The following WDR72 variants were observed in gnomAD, a reference collection of about 807,000 sequenced individuals.
WDR72 encodes WD repeat domain 72, also known as WD repeat-containing protein 72.
In WDR72, 120 loss-of-function variants were observed where a neutral mutation model predicts 124.2. The observed-to-expected ratio is 0.97, with a 90% CI of 0.83 to 1.12. The LOEUF is 1.12. Ranked by LOEUF, WDR72 falls within the 50% of genes most tolerant of loss-of-function variation. WDR72 has a pLI of 0.00. For missense variants in WDR72, 1,387 were observed against 1,278.8 expected (o/e 1.08, Z -1.29); for synonymous variants, 452 against 441.7 (o/e 1.02, Z -0.29).
chr15:53,558,840 C>T (rs148165934), intron 18 of WDR72, among the ~76,000 whole-genome samples: 72 of 151,982 alleles, frequency 4.7e-4, no homozygotes, highest in African/African-American at 1.5e-3. Flanking sequence ...ATTTGTTTGA[C>T]GGGATTTTTA....
At chr15:53,573,596 A>G (rs1186676504) in intron 18 of WDR72, among the ~76,000 whole-genome samples, 1 of 150,598 alleles carries the variant, frequency 6.6e-6, no homozygotes. Flanking sequence ...CCCAGGCTGG[A>G]GTGCAGTGGC....
intron 8 of WDR72, 59 bp from the exon 9 acceptor site, chr15:53,711,012 T>A: frequency 7.0e-7 from 1 of 1,436,770 alleles, no homozygotes; most frequent in Non-Finnish European, 9.7e-7. Context: ...TTCGTTTTTT[T>A]TCCCCCTCCC....
chr15:53,762,268 C>T (rs903572124), upstream of WDR72, among the ~76,000 whole-genome samples: 3 of 152,180 alleles, frequency 2.0e-5, no homozygotes, highest in African/African-American at 7.2e-5. Context: ...TAGAGCACTC[C>T]TCTCGCCTTC....
chr15:53,553,051 A>T (rs1186766663), intron 18 of WDR72, among the ~76,000 whole-genome samples: 2 of 152,180 alleles, frequency 1.3e-5, no homozygotes, highest in Non-Finnish European at 2.9e-5. Flanking sequence ...AAAGATAAAA[A>T]TTAAAAATAA....
At chr15:53,610,387 A>G (rs1463112261) in intron 16 of WDR72, among the ~76,000 whole-genome samples, 1 of 152,040 alleles carries the variant, frequency 6.6e-6, no homozygotes, top group Non-Finnish European at 1.5e-5. Flanking sequence ...TCTATTATCT[A>G]GGTGCCAGAT....
chr15:53,746,723 C>T (rs1430301097), intron 1 of WDR72, among the ~76,000 whole-genome samples: 2 of 151,982 alleles, frequency 1.3e-5, no homozygotes, highest in East Asian at 3.9e-4. Context: ...CATCTTTATC[C>T]CAGGAGGGAG....
chr15:53,679,810 G>T (rs1467462793), intron 13 of WDR72, among the ~76,000 whole-genome samples: 1 of 152,100 alleles, frequency 6.6e-6, no homozygotes, highest in Non-Finnish European at 1.5e-5. Flanking sequence ...CAAAACATTT[G>T]AGACCATAGG....
chr15:53,532,333 T>C (rs541809988), intron 18 of WDR72, among the ~76,000 whole-genome samples: 1 of 152,238 alleles, frequency 6.6e-6, no homozygotes, highest in South Asian at 2.1e-4. Context: ...CAAAGGGATA[T>C]CTGTATTCCC....
chr15:53,681,733 T>C (rs2016392602), intron 13 of WDR72, among the ~76,000 whole-genome samples: 1 of 152,168 alleles, frequency 6.6e-6, no homozygotes, highest in Non-Finnish European at 1.5e-5. Context: ...GCATACAAAA[T>C]GTTCTGAAGA....
chr15:53,654,519 C>T (rs1000566644), intron 14 of WDR72, among the ~76,000 whole-genome samples: 8 of 152,142 alleles, frequency 5.3e-5, no homozygotes, highest in African/African-American at 1.7e-4. Context: ...GGACGTAGAA[C>T]ATTAGATGAA....
At chr15:53,755,147 A>T (rs1317381215) in intron 1 of WDR72, among the ~76,000 whole-genome samples, 2 of 152,242 alleles carry the variant, frequency 1.3e-5, no homozygotes, top group Non-Finnish European at 2.9e-5. Context: ...GCTATTCAAG[A>T]GAGTTGCTCT....
Position 53,615,755 on chromosome 15 carries a change from C to T in WDR72, c.2451G>A (p.Lys817=), listed in dbSNP as rs191971924. 1 of 1,613,354 alleles carries T rather than the reference C, an allele frequency of 6.2e-7. No homozygotes were observed. The highest frequency in any genetic ancestry group is 8.5e-7 in the Non-Finnish European group (1 of 1,179,648). ...CCTGAAGCTTTAAAATATTGAGGTG[C>T]TTAATGCAAAGATAATCTAAATCTT... is the stretch of plus-strand genomic sequence containing the variant. ...VDKDLDYLCI[K]HLNILKLQGP... Residue 817 remains lysine (K), a synonymous_variant, in exon 15 of 20, where the codon AAG becomes AAA. Coordinates refer to ENST00000360509, the MANE Select transcript of WDR72 (RefSeq NM_182758.4).
At chr15:53,735,705 A>G (rs1340692110) in intron 1 of WDR72, among the ~76,000 whole-genome samples, 3 of 152,218 alleles carry the variant, frequency 2.0e-5, no homozygotes, top group African/African-American at 7.2e-5. Flanking sequence ...TAATCTTACA[A>G]TAAAAAATTA....
At chr15:53,555,445 A>T (rs1253128841) in intron 18 of WDR72, among the ~76,000 whole-genome samples, 2 of 152,002 alleles carry the variant, frequency 1.3e-5, no homozygotes, top group African/African-American at 4.8e-5. Context: ...AAAGAGAGAG[A>T]GAACATGTGC....
chr15:53,703,484 C>A (rs1216379771), intron 11 of WDR72, among the ~76,000 whole-genome samples: 3 of 151,418 alleles, frequency 2.0e-5, no homozygotes, highest in African/African-American at 7.3e-5. Context: ...ATCTAGTTGC[C>A]TTTTCCCTCT....
chr15:53,653,347 G>A (rs960861978), intron 14 of WDR72, among the ~76,000 whole-genome samples: 1 of 152,074 alleles, frequency 6.6e-6, no homozygotes, highest in African/African-American at 2.4e-5. Context: ...TGGAGTAGAG[G>A]GTAGAGAAGA....
chr15:53,546,259 C>T (rs1383455007), intron 18 of WDR72, among the ~76,000 whole-genome samples: 2 of 151,960 alleles, frequency 1.3e-5, no homozygotes, highest in African/African-American at 4.8e-5. Context: ...GACTTGGAAC[C>T]AACCCAGATG....
intron 9 of WDR72, among the ~76,000 whole-genome samples, chr15:53,706,379 T>TATATATATATATAC (rs2017375784): frequency 8.4e-6 from 1 of 119,492 alleles, no homozygotes; most frequent in African/African-American, 4.5e-5. Flanking sequence ...TATATATATA[T>TATATATATATATAC]ATATATATAT....
intron 2 of WDR72, among the ~76,000 whole-genome samples, chr15:53,727,459 G>C (rs1419713082): frequency 3.3e-5 from 5 of 152,002 alleles, no homozygotes; most frequent in African/African-American, 1.2e-4. Context: ...CTTCTTAAAA[G>C]AGCTGTTGTC....
Sources: gnomAD v4.1 joint callset for allele counts (sites outside exome capture counted in the v4.1 genomes callset) on GRCh38, gnomAD v4.1.1 for gene constraint, MANE v1.5 for transcripts, NCBI Gene and HGNC (gene_info 2026-07-23, HGNC 2026-07-21) for gene names.